Variants in SIGLEC1 observed in about 807,000 individuals in gnomAD.
SIGLEC1 encodes the protein sialic acid binding Ig like lectin 1.
SIGLEC1 carries 132 observed loss-of-function variants against 148.0 expected under a neutral mutation model. The observed-to-expected ratio is 0.89, with a 90% confidence interval of 0.77 to 1.03. The LOEUF is 1.03. Ranked by LOEUF, SIGLEC1 falls within the 50% of genes least tolerant of loss-of-function variation. The probability of loss-of-function intolerance (pLI) is 0.00; values close to 1 mark genes in which losing one functional copy is unlikely to be tolerated. For missense variants in SIGLEC1, 2,253 were observed against 2,271.4 expected (o/e 0.99, Z 0.16); for synonymous variants, 945 against 969.0 (o/e 0.98, Z 0.46).
At position 3,692,162 on chromosome 20, in the gene SIGLEC1, G is replaced by T. The variant is rs1432049993; in HGVS notation, c.4071C>A (p.Ser1357=). 6.3e-7 allele frequency: 1 copy of T among 1,579,628 alleles called. No individual in the cohort carries two copies. The highest frequency in any genetic ancestry group is 1.3e-5 in the African/African-American group (1 of 74,500). The stretch of plus-strand genomic sequence containing the variant: ...GTATCACAGCCATGGATCTGGCCCT[G>T]GAGTCCCGGAAGGAGGACAGGACAG... ...QDAVLSSFRD[S]RARSMAVIQC... is the part of the protein sequence containing the mutation. Residue 1357 remains serine, a synonymous_variant, in exon 17 of 22, where the codon TCC becomes TCA. Coordinates refer to ENST00000344754, the MANE Select transcript of SIGLEC1 (RefSeq NM_023068.4).
At position 3,692,904 on chromosome 20, in the gene SIGLEC1, G is replaced by T; in HGVS notation, c.3736C>A (p.Pro1246Thr). ...AGGGACGTGTTGGCCTGGCCCAGAG[G>T]GCTGCGGGCAGAGCAGCTGTAGAAA... ...EGFYSCSARS[P>T]LGQANTSLEL... Residue 1246 changes from proline to threonine, a missense_variant, in exon 15 of 22, where the codon CCT (proline) becomes ACT (threonine). Coordinates refer to ENST00000344754, the MANE Select transcript of SIGLEC1 (RefSeq NM_023068.4). The T allele has an allele frequency of 1.9e-6, 3 of 1,612,108 alleles. No homozygotes were observed. Among genetic ancestry groups the T allele is most frequent in the South Asian group, 2.2e-5 (2 of 91,056 alleles).
intron 7 of SIGLEC1, among the ~76,000 whole-genome samples, chr20:3,700,369 C>T (rs1038417715): frequency 3.9e-5 from 6 of 151,916 alleles, no homozygotes; most frequent in African/African-American, 9.7e-5. Context: ...CTGCCTGCCT[C>T]GGCCTCCCAA....
At chr20:3,705,117 C>T (rs1256005211) in intron 4 of SIGLEC1, among the ~76,000 whole-genome samples, 1 of 152,200 alleles carries the variant, frequency 6.6e-6, no homozygotes, top group Non-Finnish European at 1.5e-5. Flanking sequence ...GTGCCTCAGC[C>T]TCCTTAGTAA....
At chr20:3,709,873 G>A (rs1303851109) in intron 1 of SIGLEC1, among the ~76,000 whole-genome samples, 1 of 152,218 alleles carries the variant, frequency 6.6e-6, no homozygotes, top group African/African-American at 2.4e-5. Context: ...GAGACTGAAA[G>A]TAGAATAGGA....
In SIGLEC1 at chr20:3,688,556, C is replaced by T; in HGVS notation, c.*4G>A. 6.3e-7 allele frequency: 1 copy of T among 1,595,666 alleles called. No homozygotes were observed. Among genetic ancestry groups the T allele is most frequent in the Non-Finnish European group, 8.5e-7 (1 of 1,170,272 alleles). Reference sequence around the variant, plus strand: ...CTCCTCCGGAGGGCAGGCAACACCACTGGTCAGCCCAGGGGTGGGGCACAG... The same window carrying T: ...CTCCTCCGGAGGGCAGGCAACACCATTGGTCAGCCCAGGGGTGGGGCACAG... On this transcript the variant is annotated 3_prime_UTR_variant, in exon 22 of 22. Coordinates refer to ENST00000344754, the MANE Select transcript of SIGLEC1 (RefSeq NM_023068.4).
Position 3,691,332 on chromosome 20 carries a change from ACACT to A in SIGLEC1, c.4591+4_4591+7del, listed in dbSNP as rs1262086018. ...GAGACTAAGGCGGAGGAGGGGGTTC[ACACT>A]CACAGAGCACACGGAGCATGACTGG... On this transcript the variant is annotated splice_donor_5th_base_variant and intron_variant, in intron 18 of 21. Transcript: ENST00000344754. 9 of 1,612,730 alleles carry A rather than the reference ACACT, an allele frequency of 5.6e-6. No homozygotes were observed. The East Asian group carries it at 8.9e-5, about 16-fold the overall frequency.
Position 3,694,500 on chromosome 20 carries a change from T to G in SIGLEC1, c.2977A>C (p.Met993Leu). The change falls in exon 13 of 22, where the codon ATG becomes CTG. Residue 993 changes from methionine (M) to leucine (L), a missense_variant. By Grantham distance (15) the Met-to-Leu change is conservative. Coordinates refer to ENST00000344754, the MANE Select transcript of SIGLEC1 (RefSeq NM_023068.4). ...APRHVTLTTL[M>L]DTGPGRLGLL... ...CCCAGTCGTCCAGGGCCTGTGTCCA[T>G]CAGGGTAGTGAGTGTGACGTGGCGT... 1 of 1,581,230 alleles carries G rather than the reference T, an allele frequency of 6.3e-7. No individual in the cohort carries two copies. Among genetic ancestry groups the G allele is most frequent in the Non-Finnish European group, 8.6e-7 (1 of 1,161,276 alleles).
Position 3,691,898 on chromosome 20 carries a change from C to T in SIGLEC1, c.4330+5G>A, listed in dbSNP as rs1426772115. The stretch of plus-strand genomic sequence containing the variant: ...GCCCCTCCTCCTCCCCTCTCTTCCA[C>T]TCACCTTCTACCTGCAACCGCCCGA... On this transcript the variant is annotated splice_donor_5th_base_variant and intron_variant, in intron 17 of 21. Coordinates refer to ENST00000344754, the MANE Select transcript of SIGLEC1 (RefSeq NM_023068.4). 7.0e-6 allele frequency: 11 copies of T among 1,563,416 alleles called. No homozygotes were observed. The highest frequency in any genetic ancestry group is 3.5e-5 in the Admixed American group (2 of 57,552).
At chr20:3,689,374 C>A in intron 20 of SIGLEC1, 147 bp from the exon 21 acceptor site, 1 of 765,050 alleles carries the variant, frequency 1.3e-6, no homozygotes, top group African/African-American at 1.7e-5. Context: ...TCCTCCCTAG[C>A]CCTTGCTTTA....
intron 4 of SIGLEC1, 35 bp from the exon 5 acceptor site, chr20:3,704,126 C>A (rs1482703392): frequency 3.8e-6 from 6 of 1,589,078 alleles, no homozygotes; most frequent in Non-Finnish European, 5.2e-6. Flanking sequence ...GGGTAAGGTG[C>A]TTGGGGAGGG....
rs537730006 is a variant in SIGLEC1 at position 3,696,312 on chromosome 20, T to C, written c.2683+274A>G. On this transcript the variant is annotated intron_variant, in intron 11 of 21. Transcript: ENST00000344754. ...TGAGAATGTTTACTATGTAACAAAA[T>C]TATATGATCACAAAACAAGTTATTT... Among the ~76,000 whole-genome samples, 5 of 152,230 alleles carry C rather than the reference T, an allele frequency of 3.3e-5. No individual in the cohort carries two copies. The East Asian group carries it at 9.6e-4, about 29-fold the overall frequency.
intron 9 of SIGLEC1, 150 bp downstream of exon 9, chr20:3,697,648 G>A (rs2087814067): frequency 2.7e-6 from 2 of 734,404 alleles, no homozygotes; most frequent in Non-Finnish European, 4.4e-6. Flanking sequence ...ATGGGAAGGA[G>A]CAGCTCCGCT....
intron 11 of SIGLEC1, among the ~76,000 whole-genome samples, chr20:3,695,188 C>T (rs907901680): frequency 1.3e-5 from 2 of 152,210 alleles, no homozygotes; most frequent in African/African-American, 2.4e-5. Context: ...CCTACCAAAG[C>T]GTAAGCCTTA....
Position 3,690,029 on chromosome 20 carries a change from C to T in SIGLEC1, c.4827G>A (p.Gly1609=). 1 of 1,613,048 alleles carries T rather than the reference C, an allele frequency of 6.2e-7. No individual in the cohort carries two copies. The highest frequency in any genetic ancestry group is 1.1e-5 in the South Asian group (1 of 90,918). The part of the protein sequence containing the change: ...DIEALRPSDQ[G]EYICSASNVL... Reference sequence around the variant, plus strand: ...CATTTGAGGCAGAACAGATGTATTCCCCTTGGTCGCTGGGCCTCAGCGCCT... The same window carrying T: ...CATTTGAGGCAGAACAGATGTATTCTCCTTGGTCGCTGGGCCTCAGCGCCT... The change falls in exon 19 of 22, where the codon GGG becomes GGA. Residue 1609 remains glycine, a synonymous_variant. Coordinates refer to ENST00000344754, the MANE Select transcript of SIGLEC1 (RefSeq NM_023068.4).
Position 3,689,245 on chromosome 20 carries a change from G to T in SIGLEC1, c.4998-18C>A. ...GCCTCCTTCTGCAAGGCCCGGAGTG[G>T]ACTCAGAGAGCCTCTCCCCTCCCCA... On this transcript the variant is annotated intron_variant, in intron 20 of 21. Coordinates refer to ENST00000344754, the MANE Select transcript of SIGLEC1 (RefSeq NM_023068.4). 1 of 1,610,268 alleles carries T rather than the reference G, an allele frequency of 6.2e-7. No homozygotes were observed. The highest frequency in any genetic ancestry group is 8.5e-7 in the Non-Finnish European group (1 of 1,176,604).
At chr20:3,700,106 CTTTTTTTTTTTTTTT>C (rs58342380) in intron 7 of SIGLEC1, among the ~76,000 whole-genome samples, 1 of 36,114 alleles carries the variant, frequency 2.8e-5, no homozygotes, top group East Asian at 1.1e-3. Context: ...CTGTGGCCAG[CTTTTTTTTTTTTTTT>C]TTTTTTTTTT....
chr20:3,703,482 G>C (rs761851529), intron 5 of SIGLEC1, 31 bp from the exon 6 acceptor site: 1 of 1,540,148 alleles, frequency 6.5e-7, no homozygotes. Flanking sequence ...GTGCTGGGGG[G>C]TCCCAGCCAA....
Position 3,693,487 on chromosome 20 carries a change from C to T in SIGLEC1, c.3468G>A (p.Arg1156=). The stretch of plus-strand genomic sequence containing the variant: ...TGATAGGTCTGGAGAGGCGGGGTGC[C>T]CGACCAGGGGGGCCCACACCGCAGC... The part of the protein sequence containing the change: ...SYRCGVGPPG[R]APRLSRPITL... Residue 1156 remains arginine, a synonymous_variant, in exon 14 of 22, where the codon CGG becomes CGA. Transcript: ENST00000344754. 1 of 1,603,528 alleles carries T rather than the reference C, an allele frequency of 6.2e-7. No individual in the cohort carries two copies. Among genetic ancestry groups the T allele is most frequent in the Non-Finnish European group, 8.5e-7 (1 of 1,173,916 alleles).
At chr20:3,694,053 A>G (rs2088794291) in intron 13 of SIGLEC1, among the ~76,000 whole-genome samples, 168 bp downstream of exon 13, 1 of 152,108 alleles carries the variant, frequency 6.6e-6, no homozygotes, top group Non-Finnish European at 1.5e-5. Flanking sequence ...GGTGTTTATA[A>G]AAGGTTCTCC....
Sources: allele counts gnomAD v4.1 joint callset (sites outside exome capture counted in the v4.1 genomes callset), GRCh38; gene constraint gnomAD v4.1.1; transcripts MANE v1.5; gene names NCBI Gene and HGNC (gene_info 2026-07-23, HGNC 2026-07-21).